Variants in RFTN2 observed in about 807,000 individuals in gnomAD.
RFTN2 encodes the protein raftlin family member 2, also known as raftlin-2.
RFTN2 carries 34 observed loss-of-function variants against 52.7 expected under a neutral mutation model. The observed-to-expected ratio is 0.64, with a 90% confidence interval of 0.49 to 0.86. RFTN2 has a LOEUF of 0.86. Ranked by LOEUF, RFTN2 falls within the 40% of genes least tolerant of loss-of-function variation. The pLI is 0.00. For synonymous variants in RFTN2, 203 were observed against 217.7 expected, an observed-to-expected ratio of 0.93 and a Z score of 0.59; for missense variants, 536 against 600.1, an observed-to-expected ratio of 0.89 and a Z score of 1.12.
chr2:197,636,716 T>C (rs1312877466), intron 3 of RFTN2, among the ~76,000 whole-genome samples: 3 of 150,876 alleles, frequency 2.0e-5, no homozygotes, highest in Non-Finnish European at 4.4e-5. Context: ...TTTTTCCTAA[T>C]TGAATACCCT....
chr2:197,606,615 A>G (rs1330156327), intron 7 of RFTN2, among the ~76,000 whole-genome samples: 1 of 151,866 alleles, frequency 6.6e-6, no homozygotes, highest in Non-Finnish European at 1.5e-5. Context: ...TCTACAATGA[A>G]CTCAAACAAA....
intron 8 of RFTN2, among the ~76,000 whole-genome samples, chr2:197,574,970 G>A (rs748642420): frequency 6.6e-6 from 1 of 152,208 alleles, no homozygotes; most frequent in Non-Finnish European, 1.5e-5. Flanking sequence ...GATTTGGGAG[G>A]AGCTGGGGTG....
intron 1 of RFTN2, among the ~76,000 whole-genome samples, chr2:197,660,365 A>G (rs983598233): frequency 6.6e-6 from 1 of 152,198 alleles, no homozygotes; most frequent in Non-Finnish European, 1.5e-5. Context: ...ACATCAAATT[A>G]TTATTGTTTA....
chr2:197,646,857 C>T (rs1337490824), intron 1 of RFTN2, among the ~76,000 whole-genome samples, 191 bp from the exon 2 acceptor site: 1 of 118,356 alleles, frequency 8.4e-6, no homozygotes, highest in Admixed American at 1.2e-4. Context: ...TGAGACCAGC[C>T]TGGGCAACAT....
chr2:197,646,187 C>T (rs2088745180), intron 2 of RFTN2, among the ~76,000 whole-genome samples: 1 of 152,204 alleles, frequency 6.6e-6, no homozygotes, highest in Admixed American at 6.5e-5. Context: ...CCTGCATCTG[C>T]TGAAGTGGCT....
intron 5 of RFTN2, among the ~76,000 whole-genome samples, chr2:197,621,538 C>A (rs892394588): frequency 6.6e-6 from 1 of 151,354 alleles, no homozygotes; most frequent in Non-Finnish European, 1.5e-5. Context: ...ATATTTCAAC[C>A]TTTTTCATTA....
At chr2:197,579,301 T>C (rs974577446) in intron 8 of RFTN2, among the ~76,000 whole-genome samples, 1 of 152,162 alleles carries the variant, frequency 6.6e-6, no homozygotes, top group Non-Finnish European at 1.5e-5. Context: ...CTTCTCTCCA[T>C]GTCTCTACCC....
At chr2:197,592,858 AAT>A (rs2087739862) in intron 8 of RFTN2, among the ~76,000 whole-genome samples, 1 of 152,244 alleles carries the variant, frequency 6.6e-6, no homozygotes, top group South Asian at 2.1e-4. Context: ...TATTGATATT[AAT>A]AGTTTACTGT....
rs905293772 is a variant in RFTN2, at chr2:197,615,940, T to C, written c.1090A>G (p.Thr364Ala). Reference sequence around the variant, plus strand: ...AGAAGCCATCCGAATTCAGCCAGAGTGTGCAGCAGAGGGCCATAATCTGTT... The same window carrying C: ...AGAAGCCATCCGAATTCAGCCAGAGCGTGCAGCAGAGGGCCATAATCTGTT... The part of the protein sequence containing the change: ...IKTDYGPLLH[T>A]LAEFGWLLTS... Residue 364 changes from threonine (T) to alanine (A), a missense_variant, in exon 7 of 9, where the codon ACT (threonine) becomes GCT (alanine). Thr to Ala is a moderately conservative substitution (Grantham distance 58). Transcript: ENST00000295049. The C allele has an allele frequency of 7.7e-6, 12 of 1,559,396 alleles. No individual in the cohort carries two copies. Among genetic ancestry groups the C allele is most frequent in the African/African-American group, 2.7e-5 (2 of 73,480 alleles).
At chr2:197,608,796 C>T (rs1222689296) in intron 7 of RFTN2, among the ~76,000 whole-genome samples, 1 of 151,904 alleles carries the variant, frequency 6.6e-6, no homozygotes, top group Admixed American at 6.6e-5. Context: ...CCCCACCCCA[C>T]AACAGGCCCC....
intron 1 of RFTN2, among the ~76,000 whole-genome samples, chr2:197,658,207 G>A (rs1243558226): frequency 4.0e-5 from 6 of 148,256 alleles, no homozygotes; most frequent in Admixed American, 6.7e-5. Flanking sequence ...AAAAAAAAAT[G>A]AGTATCCTTT....
chr2:197,607,410 A>G (rs1017689687), intron 7 of RFTN2, among the ~76,000 whole-genome samples: 2 of 151,970 alleles, frequency 1.3e-5, no homozygotes, highest in African/African-American at 4.8e-5. Flanking sequence ...CAGTACACCA[A>G]CATGGCACAT....
intron 5 of RFTN2, among the ~76,000 whole-genome samples, chr2:197,625,704 C>CTCTCCTCTCCTCTCCTCTCT (rs2088345800): frequency 7.1e-6 from 1 of 140,350 alleles, no homozygotes; most frequent in African/African-American, 2.7e-5. Context: ...CTCTCCTCTC[C>CTCTCCTCTCCTCTCCTCTCT]TCTCCTCTCC....
chr2:197,582,187 A>C (rs1369540083), intron 8 of RFTN2, among the ~76,000 whole-genome samples: 1 of 152,026 alleles, frequency 6.6e-6, no homozygotes, highest in African/African-American at 2.4e-5. Flanking sequence ...ACTATGCTCA[A>C]CTCACTCTCT....
At chr2:197,585,615 G>A (rs1196073382) in intron 8 of RFTN2, among the ~76,000 whole-genome samples, 1 of 152,114 alleles carries the variant, frequency 6.6e-6, no homozygotes, top group Non-Finnish European at 1.5e-5. Flanking sequence ...CTCTCTGCTA[G>A]CCATTTCTAA....
intron 7 of RFTN2, among the ~76,000 whole-genome samples, chr2:197,600,712 G>C (rs1221105461): frequency 1.3e-5 from 2 of 152,188 alleles, no homozygotes; most frequent in Non-Finnish European, 2.9e-5. Flanking sequence ...TCAGAGGACA[G>C]AGCCCACATC....
intron 8 of RFTN2, among the ~76,000 whole-genome samples, chr2:197,590,630 C>T (rs986778013): frequency 2.0e-5 from 3 of 152,206 alleles, no homozygotes; most frequent in East Asian, 1.9e-4. Flanking sequence ...TTCTTAAAGG[C>T]GGCGTGTCCG....
At chr2:197,651,533 C>T (rs986103468) in intron 1 of RFTN2, among the ~76,000 whole-genome samples, 14 of 152,090 alleles carry the variant, frequency 9.2e-5, no homozygotes, top group African/African-American at 1.7e-4. Flanking sequence ...GCAGGAGAAT[C>T]GCTTGAACCC....
intron 1 of RFTN2, among the ~76,000 whole-genome samples, chr2:197,655,870 A>G (rs1362062264): frequency 5.3e-5 from 8 of 152,150 alleles, no homozygotes; most frequent in Admixed American, 6.5e-5. Flanking sequence ...ACTGCTTTAC[A>G]TTAATATTCA....
Sources: allele counts gnomAD v4.1 joint callset (sites outside exome capture counted in the v4.1 genomes callset), GRCh38; gene constraint gnomAD v4.1.1; transcripts MANE v1.5; gene names NCBI Gene and HGNC (gene_info 2026-07-23, HGNC 2026-07-21).